SLC8A1: variants seen among roughly 807,000 people sequenced by gnomAD.
SLC8A1 encodes the protein solute carrier family 8 member A1.
In SLC8A1, 18 loss-of-function variants were observed where a neutral mutation model predicts 68.3. The observed-to-expected ratio is 0.26, with a 90% CI of 0.18 to 0.39. The LOEUF (loss-of-function observed/expected upper bound fraction) is 0.39. Among genes scored for constraint, SLC8A1 ranks in the 10% least tolerant of loss-of-function variants. The probability of loss-of-function intolerance (pLI) is 1.00; values close to 1 mark genes in which losing one functional copy is unlikely to be tolerated. For synonymous variants in SLC8A1, 475 were observed against 415.5 expected (o/e 1.14, Z -1.74); for missense variants, 985 against 1,156.7 (o/e 0.85, Z 2.15).
At chr2:40,509,984 C>T (rs1226892591) in intron 1 of SLC8A1, among the ~76,000 whole-genome samples, 2 of 151,968 alleles carry the variant, frequency 1.3e-5, no homozygotes, top group African/African-American at 4.8e-5. Context: ...TGCACCGCCA[C>T]ACCTGGCTAA....
chr2:40,300,198 C>G (rs1477743072), intron 2 of SLC8A1, among the ~76,000 whole-genome samples: 1 of 152,098 alleles, frequency 6.6e-6, no homozygotes, highest in African/African-American at 2.4e-5. Context: ...GCTTGATTCC[C>G]CATATTAAAT....
chr2:40,356,453 G>A (rs934474842), intron 2 of SLC8A1, among the ~76,000 whole-genome samples: 8 of 151,588 alleles, frequency 5.3e-5, no homozygotes, highest in South Asian at 2.1e-4. Context: ...AATAAAAATC[G>A]CGTGAATACT....
intron 2 of SLC8A1, among the ~76,000 whole-genome samples, chr2:40,222,621 CATCT>C (rs1237671826): frequency 6.6e-6 from 1 of 152,074 alleles, no homozygotes; most frequent in Non-Finnish European, 1.5e-5. Context: ...GCAATCTATC[CATCT>C]GACAAAGGGC....
intron 1 of SLC8A1, among the ~76,000 whole-genome samples, chr2:40,511,687 G>GA (rs1056384849): frequency 6.6e-6 from 1 of 151,658 alleles, no homozygotes; most frequent in Non-Finnish European, 1.5e-5. Context: ...TCAGTCAGTA[G>GA]AAAAAAAAGA....
intron 1 of SLC8A1, among the ~76,000 whole-genome samples, chr2:40,496,453 T>A (rs575950107): frequency 6.6e-6 from 1 of 152,218 alleles, no homozygotes; most frequent in Admixed American, 6.6e-5. Context: ...AAAATGCTAA[T>A]GGAAGCTTCT....
chr2:40,347,769 C>T (rs1349556348), intron 2 of SLC8A1, among the ~76,000 whole-genome samples: 1 of 151,984 alleles, frequency 6.6e-6, no homozygotes, highest in East Asian at 1.9e-4. Flanking sequence ...TTTTAATGAC[C>T]AACAAAAGAG....
At chr2:40,497,832 A>T (rs1297573883) in intron 1 of SLC8A1, among the ~76,000 whole-genome samples, 1 of 152,082 alleles carries the variant, frequency 6.6e-6, no homozygotes, top group Non-Finnish European at 1.5e-5. Flanking sequence ...ATTTATTGAA[A>T]GATTTTTACC....
chr2:40,235,506 C>G (rs967309157), intron 2 of SLC8A1, among the ~76,000 whole-genome samples: 1 of 151,700 alleles, frequency 6.6e-6, no homozygotes, highest in African/African-American at 2.4e-5. Flanking sequence ...CTTTATTAGT[C>G]TTGCTAGTGG....
At chr2:40,237,218 T>G (rs2060514148) in intron 2 of SLC8A1, among the ~76,000 whole-genome samples, 2 of 152,232 alleles carry the variant, frequency 1.3e-5, no homozygotes, top group South Asian at 4.1e-4. Flanking sequence ...TTGGTTCCAT[T>G]GTCCCCATCG....
At chr2:40,382,249 A>G (rs1861293) in intron 2 of SLC8A1, among the ~76,000 whole-genome samples, 111,767 of 152,016 alleles carry the variant, frequency 0.74, 42,480 homozygotes, top group African/African-American at 0.93. Flanking sequence ...AGAAAGGCAT[A>G]ACAGTAGAAG....
intron 6 of SLC8A1, among the ~76,000 whole-genome samples, chr2:40,142,977 A>C (rs1304933534): frequency 6.6e-6 from 1 of 151,996 alleles, no homozygotes; most frequent in African/African-American, 2.4e-5. Flanking sequence ...AGAGCGAGAG[A>C]GAGAGAGAGA....
chr2:40,371,906 G>A (rs769858908), intron 2 of SLC8A1, among the ~76,000 whole-genome samples: 21 of 152,032 alleles, frequency 1.4e-4, no homozygotes, highest in Non-Finnish European at 2.8e-4. Flanking sequence ...GGTCTCCTGG[G>A]CCAGGCACTG....
intron 7 of SLC8A1, among the ~76,000 whole-genome samples, chr2:40,119,622 T>C (rs1403929919): frequency 6.6e-6 from 1 of 152,212 alleles, no homozygotes; most frequent in African/African-American, 2.4e-5. Context: ...TTGAAGGGGA[T>C]ATAATAATAT....
chr2:40,203,631 A>C lies in SLC8A1; in HGVS notation c.1809-25776T>G, dbSNP rs186868195. 2.2e-3 allele frequency among the ~76,000 whole-genome samples: 332 copies of C among 152,164 alleles called. 2 individuals are homozygous for C. Among genetic ancestry groups the C allele is most frequent in the African/African-American group, 7.6e-3 (316 of 41,540 alleles). On this transcript the variant is annotated intron_variant, in intron 2 of 7. Coordinates refer to ENST00000406785, the Ensembl canonical transcript of SLC8A1. ...ATGGAGAAAACCAATGCAATAATTT[A>C]CAAAAGATTAACTGTTAAAGTGCTG... is the stretch of plus-strand genomic sequence containing the variant.
At chr2:40,312,201 G>T (rs1184751428) in intron 2 of SLC8A1, among the ~76,000 whole-genome samples, 1 of 152,092 alleles carries the variant, frequency 6.6e-6, no homozygotes, top group African/African-American at 2.4e-5. Flanking sequence ...TGAGCTTATT[G>T]TTATCCACCT....
intron 2 of SLC8A1, among the ~76,000 whole-genome samples, chr2:40,309,199 T>A (rs76181025): frequency 7.2e-5 from 11 of 152,186 alleles, no homozygotes; most frequent in Admixed American, 7.2e-4. Context: ...GTTTATTCCT[T>A]ATTTATCTTC....
chr2:40,403,341 C>T (rs1576168322), intron 2 of SLC8A1, among the ~76,000 whole-genome samples: 1 of 152,292 alleles, frequency 6.6e-6, no homozygotes, highest in Non-Finnish European at 1.5e-5. Flanking sequence ...TCATGGTTAG[C>T]AGGTTATCAA....
intron 2 of SLC8A1, among the ~76,000 whole-genome samples, chr2:40,200,687 G>T (rs410480): frequency 0.15 from 23,077 of 151,594 alleles, 2,269 homozygotes; most frequent in African/African-American, 0.26. Context: ...AATAGTAAAA[G>T]GCCAAATGAA....
At chr2:40,223,362 G>A (rs894824973) in intron 2 of SLC8A1, among the ~76,000 whole-genome samples, 4 of 152,112 alleles carry the variant, frequency 2.6e-5, no homozygotes, top group African/African-American at 9.7e-5. Context: ...ACCAGGGCCT[G>A]TCAGGGGGTG....
Sources: gnomAD v4.1 joint callset for allele counts (sites outside exome capture counted in the v4.1 genomes callset) on GRCh38, gnomAD v4.1.1 for gene constraint, MANE v1.5 for transcripts, NCBI Gene and HGNC (gene_info 2026-07-23, HGNC 2026-07-21) for gene names.